Variants in IGFBP1 observed in about 807,000 individuals in gnomAD.
IGFBP1 encodes the protein insulin-like growth factor-binding protein 1.
Under a neutral mutation model 23.1 loss-of-function variants are expected in IGFBP1, and 31 were observed. That is an observed-to-expected ratio of 1.34 (90% CI 1.01 to 1.81). The LOEUF (loss-of-function observed/expected upper bound fraction) is 1.81, where lower values mean the gene tolerates loss of function less well. Among genes scored for constraint, IGFBP1 ranks in the 40% most tolerant of loss-of-function variants. The probability of loss-of-function intolerance (pLI) is 0.00; values close to 1 mark genes in which losing one functional copy is unlikely to be tolerated. For missense variants in IGFBP1, 333 were observed against 342.2 expected (o/e 0.97, Z 0.21); for synonymous variants, 148 against 145.5 (o/e 1.02, Z -0.13).
intron 1 of IGFBP1, 87 bp from the exon 2 acceptor site, chr7:45,890,461 T>G: frequency 7.1e-7 from 1 of 1,416,952 alleles, no homozygotes; most frequent in Non-Finnish European, 9.5e-7. Context: ...CCAGCCTGGT[T>G]TTGAGGGAAG....
chr7:45,889,736 A>C (rs1787047324), intron 1 of IGFBP1, among the ~76,000 whole-genome samples: 1 of 152,148 alleles, frequency 6.6e-6, no homozygotes, highest in African/African-American at 2.4e-5. Flanking sequence ...GACTGCTTGC[A>C]CGTCCTGTCC....
Position 45,890,645 on chromosome 7 carries a change from C to T in IGFBP1, c.447C>T (p.Ser149=), listed in dbSNP as rs774347874. Residue 149 remains serine (S), a synonymous_variant, in exon 2 of 4, where the codon TCC becomes TCT. Coordinates refer to ENST00000275525, the MANE Select transcript of IGFBP1 (RefSeq NM_000596.4). ...TGGCCCCTTCTGAAGAGGATCATTC[C>T]ATCCTTTGGGACGCCATCAGTACCT... ...HLMAPSEEDH[S]ILWDAISTYD... 21 of 1,613,700 alleles carry T rather than the reference C, an allele frequency of 1.3e-5. No individual in the cohort carries two copies. Among genetic ancestry groups the T allele is most frequent in the Non-Finnish European group, 1.8e-5 (21 of 1,179,878 alleles).
At chr7:45,889,036 G>GCCGCCCGCCCCCGCCCGGCACCTC in intron 1 of IGFBP1, 35 bp downstream of exon 1, 1 of 1,445,396 alleles carries the variant, frequency 6.9e-7, no homozygotes, top group Non-Finnish European at 9.1e-7. Flanking sequence ...AGCACCTCCT[G>GCCGCCCGCCCCCGCCCGGCACCTC]CCGCCCGCCC....
intron 2 of IGFBP1, among the ~76,000 whole-genome samples, chr7:45,891,666 G>T (rs1038833446): frequency 1.3e-5 from 2 of 152,194 alleles, no homozygotes; most frequent in African/African-American, 4.8e-5. Context: ...TCTTGCCAGG[G>T]GATGTCTCTG....
intron 3 of IGFBP1, 42 bp downstream of exon 3, chr7:45,892,102 C>A: frequency 6.2e-7 from 1 of 1,602,118 alleles, no homozygotes; most frequent in South Asian, 1.1e-5. Flanking sequence ...GTGAAAGGGA[C>A]TACTGCCCTA....
intron 1 of IGFBP1, among the ~76,000 whole-genome samples, chr7:45,890,077 G>A (rs765636019): frequency 4.6e-5 from 7 of 152,118 alleles, no homozygotes; most frequent in Non-Finnish European, 8.8e-5. Flanking sequence ...TAGTAGTTTG[G>A]GTCAGGAGAG....
At position 45,888,680 on chromosome 7, in the gene IGFBP1, T is replaced by C; in HGVS notation, c.28T>C (p.Trp10Arg). Residue 10 changes from tryptophan (W) to arginine (R), a missense_variant, in exon 1 of 4, where the codon TGG (tryptophan) becomes CGG (arginine). Physicochemically the swap from Trp to Arg is moderately radical, Grantham distance 101. Transcript: ENST00000275525. Reference sequence around the variant, plus strand: ...GTCAGAGGTCCCCGTTGCTCGCGTCTGGCTGGTACTGCTCCTGCTGACTGT... The same window carrying C: ...GTCAGAGGTCCCCGTTGCTCGCGTCCGGCTGGTACTGCTCCTGCTGACTGT... MSEVPVARV[W>R]LVLLLLTVQV... The C allele has an allele frequency of 6.3e-7, 1 of 1,598,188 alleles. No individual in the cohort carries two copies. The highest frequency in any genetic ancestry group is 8.5e-7 in the Non-Finnish European group (1 of 1,179,520).
At chr7:45,892,085 C>A in intron 3 of IGFBP1, 25 bp downstream of exon 3, 1 of 1,612,060 alleles carries the variant, frequency 6.2e-7, no homozygotes, top group South Asian at 1.1e-5. Flanking sequence ...CAGTGTGCGT[C>A]GTCAGGGTGA....
intron 2 of IGFBP1, among the ~76,000 whole-genome samples, chr7:45,891,660 G>T (rs529221807): frequency 6.6e-6 from 1 of 152,314 alleles, no homozygotes; most frequent in African/African-American, 2.4e-5. Context: ...TGAGGCTCTT[G>T]CCAGGGGATG....
rs768128135 is a variant in IGFBP1 at position 45,892,033 on chromosome 7, C to T, written c.621C>T (p.Asn207=). Residue 207 remains asparagine, a synonymous_variant, in exon 3 of 4, where the codon AAC becomes AAT. Coordinates refer to ENST00000275525, the MANE Select transcript of IGFBP1 (RefSeq NM_000596.4). The part of the protein sequence containing the change: ...EISKFYLPNC[N]KNGFYHSRQC... ...CCAAATTTTACCTGCCAAACTGCAA[C>T]AAGAATGGATTTTATCACAGCAGAC... The T allele has an allele frequency of 6.2e-7, 1 of 1,614,206 alleles. No homozygotes were observed. The highest frequency in any genetic ancestry group is 1.1e-5 in the South Asian group (1 of 91,086).
chr7:45,890,407 GAGTC>G (rs1405802567), intron 1 of IGFBP1, 137 bp from the exon 2 acceptor site: 10 of 755,096 alleles, frequency 1.3e-5, no homozygotes, highest in Non-Finnish European at 1.9e-5. Context: ...TTTACAGTGA[GAGTC>G]AGTGAAAATC....
intron 2 of IGFBP1, 50 bp from the exon 3 acceptor site, chr7:45,891,882 A>T (rs1202400952): frequency 6.4e-7 from 1 of 1,573,202 alleles, no homozygotes; most frequent in East Asian, 2.3e-5. Flanking sequence ...GTCTAGGCTG[A>T]TAATTCACTG....
At chr7:45,892,702 G>A (rs954484430) in intron 3 of IGFBP1, among the ~76,000 whole-genome samples, 5 of 152,226 alleles carry the variant, frequency 3.3e-5, no homozygotes, top group African/African-American at 1.2e-4. Context: ...CTATGAAGCA[G>A]ACAGCTGTGC....
Position 45,888,692 on chromosome 7 carries a change from C to G in IGFBP1, c.40C>G (p.Leu14Val). ...VPVARVWLVL[L>V]LLTVQVGVTA... is the part of the protein sequence containing the mutation. ...CGTTGCTCGCGTCTGGCTGGTACTG[C>G]TCCTGCTGACTGTCCAGGTCGGCGT... Residue 14 changes from leucine to valine, a missense_variant, in exon 1 of 4, where the codon CTC (leucine) becomes GTC (valine). Physicochemically the swap from Leu to Val is conservative, Grantham distance 32 (BLOSUM62 1). Transcript: ENST00000275525. 6.3e-7 allele frequency: 1 copy of G among 1,598,046 alleles called. No homozygotes were observed.
chr7:45,888,571 A>G lies in IGFBP1; in HGVS notation c.-82A>G. 1 of 1,220,408 alleles carries G rather than the reference A, an allele frequency of 8.2e-7. No individual in the cohort carries two copies. Among genetic ancestry groups the G allele is most frequent in the Non-Finnish European group, 1.2e-6 (1 of 862,998 alleles). 75.6% of individuals were successfully genotyped at this position (1,220,408 alleles called of 1,614,324 possible). A position where few individuals can be genotyped will look rare whatever the true frequency, so the allele number is the denominator to read the frequency against. ...AGAGAGCACTGGCCACCGCTCCACCATCACTTGCCCAGAGTTTGGGCCACC... is the reference window on the plus strand; with the variant it reads ...AGAGAGCACTGGCCACCGCTCCACCGTCACTTGCCCAGAGTTTGGGCCACC... On this transcript the variant is annotated 5_prime_UTR_variant, in exon 1 of 4. Transcript: ENST00000275525.
At chr7:45,892,168 A>C in intron 3 of IGFBP1, 108 bp downstream of exon 3, 2 of 1,227,368 alleles carry the variant, frequency 1.6e-6, no homozygotes, top group Non-Finnish European at 2.3e-6. Context: ...CAAAGTAGAC[A>C]CCAGAAGTGG....
In IGFBP1 at chr7:45,893,163, C is replaced by T; in HGVS notation, c.*72C>T. 3 of 902,196 alleles carry T rather than the reference C, an allele frequency of 3.3e-6. No homozygotes were observed. Among genetic ancestry groups the T allele is most frequent in the South Asian group, 3.9e-5 (2 of 51,264 alleles). The allele number at this position is 902,196 out of a possible 1,614,324, so 55.9% of individuals were successfully genotyped here. ...GTATATTTATACTCTAGAACATGCA[C>T]ATTTATATATATATGTATATGTATA... On this transcript the variant is annotated 3_prime_UTR_variant, in exon 4 of 4. Transcript: ENST00000275525.
Position 45,888,736 on chromosome 7 carries a change from G to A in IGFBP1, c.84G>A (p.Trp28Ter), listed in dbSNP as rs766860058. 2 of 1,593,628 alleles carry A rather than the reference G, an allele frequency of 1.3e-6. No homozygotes were observed. Among genetic ancestry groups the A allele is most frequent in the African/African-American group, 2.7e-5 (2 of 74,590 alleles). ...TCGGCGTGACAGCCGGCGCTCCGTGGCAGTGCGCGCCCTGCTCCGCCGAGA... is the reference window on the plus strand; with the variant it reads ...TCGGCGTGACAGCCGGCGCTCCGTGACAGTGCGCGCCCTGCTCCGCCGAGA... Reference protein sequence around the residue: ...VQVGVTAGAPWQCAPCSAEKL... With the variant: ...VQVGVTAGAP Residue 28 changes from tryptophan to a stop codon, truncating the protein, a stop_gained, in exon 1 of 4, where the codon TGG (tryptophan) becomes TGA (stop). Transcript: ENST00000275525. LOFTEE classifies it high-confidence loss of function.
At position 45,892,969 on chromosome 7, in the gene IGFBP1, TC is replaced by T; in HGVS notation, c.660del (p.Met221TrpfsTer43). ...GGTCTTGTCTTTGCAGTGTGAGACA[TC>T]CATGGATGGAGAGGCGGGACTCTGC... Reference protein sequence around the residue: ...GFYHSRQCETSMDGEAGLCWC... With the variant: ...GFYHSRQCETXMDGEAGLCWC... On this transcript the variant is annotated frameshift_variant, in exon 4 of 4. Transcript: ENST00000275525. LOFTEE classifies it low-confidence loss of function (END_TRUNC). The T allele has an allele frequency of 6.2e-7, 1 of 1,612,646 alleles. No individual in the cohort carries two copies. The highest frequency in any genetic ancestry group is 8.5e-7 in the Non-Finnish European group (1 of 1,179,300).
Sources: allele counts gnomAD v4.1 joint callset (sites outside exome capture counted in the v4.1 genomes callset), GRCh38; gene constraint gnomAD v4.1.1; transcripts MANE v1.5; gene names NCBI Gene and HGNC (gene_info 2026-07-23, HGNC 2026-07-21).